SRC: variants seen among roughly 807,000 people sequenced by gnomAD.
SRC encodes proto-oncogene tyrosine-protein kinase Src.
A neutral mutation model predicts 62.9 loss-of-function variants in SRC; 13 were observed. The ratio of observed to expected loss-of-function variants is 0.21; its 90% confidence interval spans 0.13 to 0.33. The LOEUF is 0.33. Among genes scored for constraint, SRC ranks in the 10% least tolerant of loss-of-function variants. The pLI is 1.00. For missense variants in SRC, 457 were observed against 737.3 expected (o/e 0.62, Z 4.40); for synonymous variants, 302 against 317.5 (o/e 0.95, Z 0.52).
rs568280713 is a variant in SRC, at chr20:37,404,479, G to A, written c.*1100G>A. The A allele has an allele frequency of 1.4e-4, 33 of 233,594 alleles. No homozygotes were observed. Among genetic ancestry groups the A allele is most frequent in the South Asian group, 5.4e-4 (3 of 5,530 alleles). 14.5% of individuals were successfully genotyped at this position (233,594 alleles called of 1,614,324 possible). A position where few individuals can be genotyped will look rare whatever the true frequency, so the allele number is the denominator to read the frequency against. ...GGCCCTGGTCCTGGCCTCCTTCCCC[G>A]TACTTTGTCCCGTGGCATTTCAATT... On this transcript the variant is annotated 3_prime_UTR_variant, in exon 14 of 14. Coordinates refer to ENST00000373578, the MANE Select transcript of SRC (RefSeq NM_198291.3).
Position 37,397,584 on chromosome 20 carries a change from C to G in SRC, c.704-115C>G. The G allele has an allele frequency of 7.3e-7, 1 of 1,361,944 alleles. No individual in the cohort carries two copies. The highest frequency in any genetic ancestry group is 9.6e-7 in the Non-Finnish European group (1 of 1,037,156). 84.4% of individuals were successfully genotyped at this position (1,361,944 alleles called of 1,614,324 possible). A position where few individuals can be genotyped will look rare whatever the true frequency, so the allele number is the denominator to read the frequency against. ...TGTAGATGCCTGGCTTTGAGGGCAC[C>G]CTGCGTGTCCCCTGAAATCTGTGTG... On this transcript the variant is annotated intron_variant, in intron 8 of 13. Coordinates refer to ENST00000373578, the MANE Select transcript of SRC (RefSeq NM_198291.3). This position sits in a 1 kb window ranked among gnomAD's most constrained non-coding sequence, Gnocchi z 4.1.
chr20:37,366,004 T>C (rs529162008), intron 2 of SRC, among the ~76,000 whole-genome samples: 1 of 152,316 alleles, frequency 6.6e-6, no homozygotes, highest in East Asian at 1.9e-4. Context: ...GCACTTTTCT[T>C]GTTCATGGTT....
chr20:37,393,652 G>A, intron 5 of SRC: 1 of 528,650 alleles, frequency 1.9e-6, no homozygotes. Flanking sequence ...GGCCAGTCCT[G>A]CCCTGGTCCA....
At chr20:37,370,348 G>A (rs986438967) in intron 2 of SRC, among the ~76,000 whole-genome samples, 1 of 152,230 alleles carries the variant, frequency 6.6e-6, no homozygotes, top group African/African-American at 2.4e-5. Context: ...ACCAAGGCGG[G>A]AGGATTGCCT....
At chr20:37,386,954 C>T (rs1197909977) in intron 5 of SRC, among the ~76,000 whole-genome samples, 1 of 152,252 alleles carries the variant, frequency 6.6e-6, no homozygotes, top group Non-Finnish European at 1.5e-5. Context: ...GTGATGACCA[C>T]AGGGACTGAG....
chr20:37,346,548 C>T (rs949848697), intron 1 of SRC, among the ~76,000 whole-genome samples: 1 of 152,040 alleles, frequency 6.6e-6, no homozygotes, highest in Admixed American at 6.5e-5. Context: ...CATAGGATCC[C>T]CCAGAGAAGC....
intron 9 of SRC, 40 bp from the exon 10 acceptor site, chr20:37,400,075 G>C (rs1207378891): frequency 1.3e-6 from 2 of 1,545,476 alleles, no homozygotes; most frequent in African/African-American, 2.7e-5. Context: ...GGTAGGAGTT[G>C]GGGGGCTCCA....
intron 2 of SRC, among the ~76,000 whole-genome samples, chr20:37,378,416 A>T (rs946124825): frequency 3.3e-5 from 5 of 152,120 alleles, no homozygotes; most frequent in Non-Finnish European, 7.3e-5. Context: ...TACCACATTA[A>T]GCCCACTGCC....
intron 1 of SRC, among the ~76,000 whole-genome samples, chr20:37,364,175 C>T (rs542368511): frequency 9.9e-5 from 15 of 152,256 alleles, no homozygotes; most frequent in Admixed American, 6.5e-4. Context: ...GATGCCCTGC[C>T]GGGGCCTCCT....
chr20:37,367,339 C>T (rs2070079914), intron 2 of SRC, among the ~76,000 whole-genome samples: 1 of 151,620 alleles, frequency 6.6e-6, no homozygotes, highest in South Asian at 2.1e-4. Context: ...CTCAGCCTCC[C>T]AAAGTGCTGG....
At chr20:37,362,658 CT>C (rs2069992664) in intron 1 of SRC, among the ~76,000 whole-genome samples, 1 of 150,514 alleles carries the variant, frequency 6.6e-6, no homozygotes, top group South Asian at 2.1e-4. Flanking sequence ...CTGTGACCCC[CT>C]GGCCTTGTGA....
At position 37,397,380 on chromosome 20, in the gene SRC, G is replaced by A. The variant is rs1265104437; in HGVS notation, c.704-319G>A. On this transcript the variant is annotated intron_variant, in intron 8 of 13. Transcript: ENST00000373578. The surrounding 1 kb of genome is among the most constrained non-coding windows in gnomAD (Gnocchi z 4.1). ...CATCTGTGGTCCTGGGAGGTGATTA[G>A]GGAAGTGGGGCTCCTCCCTGGACTC... is the stretch of plus-strand genomic sequence containing the variant. Among the ~76,000 whole-genome samples, 1 of 152,210 alleles carries A rather than the reference G, an allele frequency of 6.6e-6. No homozygotes were observed. Among genetic ancestry groups the A allele is most frequent in the Non-Finnish European group, 1.5e-5 (1 of 68,036 alleles).
intron 1 of SRC, among the ~76,000 whole-genome samples, chr20:37,362,884 G>A (rs569481778): frequency 7.2e-5 from 11 of 152,204 alleles, no homozygotes; most frequent in South Asian, 2.1e-4. Context: ...CCACCCTGGT[G>A]TGCCAGTCTT....
At chr20:37,372,807 G>GA (rs1356385424) in intron 2 of SRC, among the ~76,000 whole-genome samples, 6 of 149,588 alleles carry the variant, frequency 4.0e-5, no homozygotes, top group Admixed American at 2.0e-4. Flanking sequence ...TACATGCTAA[G>GA]AAAAAAAAAC....
chr20:37,378,058 A>T (rs2070303413), intron 2 of SRC, among the ~76,000 whole-genome samples: 1 of 150,844 alleles, frequency 6.6e-6, no homozygotes, highest in African/African-American at 2.4e-5. Context: ...GTTTTTTTTA[A>T]AATTATTATT....
At chr20:37,360,191 A>T (rs2069946461) in intron 1 of SRC, among the ~76,000 whole-genome samples, 1 of 148,268 alleles carries the variant, frequency 6.7e-6, no homozygotes, top group African/African-American at 2.5e-5. Context: ...AAAAATGTGA[A>T]CAATTTCTTT....
Position 37,402,317 on chromosome 20 carries a change from C to T in SRC, c.1117-118C>T. 1 of 1,294,874 alleles carries T rather than the reference C, an allele frequency of 7.7e-7. No individual in the cohort carries two copies. Among genetic ancestry groups the T allele is most frequent in the Non-Finnish European group, 1.1e-6 (1 of 935,204 alleles). The allele number at this position is 1,294,874 out of a possible 1,614,324, so 80.2% of individuals were successfully genotyped here. A position where few individuals can be genotyped will look rare whatever the true frequency, so the allele number is the denominator to read the frequency against. On this transcript the variant is annotated intron_variant, in intron 11 of 13. Coordinates refer to ENST00000373578, the MANE Select transcript of SRC (RefSeq NM_198291.3). The surrounding 1 kb of genome is among the most constrained non-coding windows in gnomAD (Gnocchi z 6.2). Reference sequence around the variant, plus strand: ...TTTACTGTGAACTGACCTCACTTGCCTGAAGAAGTGTGGGGAGGGTGGGGA... The same window carrying T: ...TTTACTGTGAACTGACCTCACTTGCTTGAAGAAGTGTGGGGAGGGTGGGGA...
At chr20:37,386,980 G>T (rs553849703) in intron 5 of SRC, among the ~76,000 whole-genome samples, 15 of 152,366 alleles carry the variant, frequency 9.8e-5, no homozygotes, top group African/African-American at 3.4e-4. Context: ...CAAGGGCCTC[G>T]AAGGAAAGCC....
intron 1 of SRC, among the ~76,000 whole-genome samples, chr20:37,355,621 AC>A (rs1190852651): frequency 5.9e-5 from 9 of 151,678 alleles, no homozygotes; most frequent in Admixed American, 1.3e-4. Flanking sequence ...AGCCAGAGAG[AC>A]TCCAGTCATT....
Sources: gnomAD v4.1 joint callset for allele counts (sites outside exome capture counted in the v4.1 genomes callset) on GRCh38, gnomAD v4.1.1 for gene constraint, Gnocchi (gnomAD v3.1) non-coding constraint, MANE v1.5 for transcripts, NCBI Gene and HGNC (gene_info 2026-07-23, HGNC 2026-07-21) for gene names.